CNNM2: variants seen among roughly 807,000 people sequenced by gnomAD.
CNNM2 encodes the protein metal transporter CNNM2.
In CNNM2, 12 loss-of-function variants were observed where a neutral mutation model predicts 66.9. That is an observed-to-expected ratio of 0.18 (90% CI 0.11 to 0.29). CNNM2 has a LOEUF of 0.29. Ranked by LOEUF, CNNM2 falls within the 10% of genes least tolerant of loss-of-function variation. The pLI, the probability that CNNM2 is intolerant of heterozygous loss-of-function variation, is 1.00. For synonymous variants in CNNM2, 557 were observed against 501.8 expected, an observed-to-expected ratio of 1.11 and a Z score of -1.47; for missense variants, 705 against 1,167.7, an observed-to-expected ratio of 0.60 and a Z score of 5.77.
At chr10:102,953,361 G>T (rs1198729045) in intron 1 of CNNM2, among the ~76,000 whole-genome samples, 2 of 151,698 alleles carry the variant, frequency 1.3e-5, no homozygotes, top group Admixed American at 6.6e-5. Flanking sequence ...GGTTCAAGCA[G>T]TTCTCCTGCC....
intron 1 of CNNM2, among the ~76,000 whole-genome samples, chr10:103,024,081 A>G (rs1002840088): frequency 6.6e-6 from 1 of 152,158 alleles, no homozygotes; most frequent in Non-Finnish European, 1.5e-5. Flanking sequence ...ATTGTTCCAC[A>G]AATGTCATTT....
At chr10:103,053,438 G>C (rs1174422747) in intron 2 of CNNM2, among the ~76,000 whole-genome samples, 1 of 152,192 alleles carries the variant, frequency 6.6e-6, no homozygotes, top group African/African-American at 2.4e-5. Context: ...GATCACTTGA[G>C]CCTTGGAGTT....
intron 6 of CNNM2, among the ~76,000 whole-genome samples, chr10:103,075,789 C>T (rs1021148191): frequency 1.3e-5 from 2 of 152,178 alleles, no homozygotes; most frequent in South Asian, 2.1e-4. Flanking sequence ...TCACAGTACC[C>T]GGGAATGTTC....
rs1564876290 is a variant in CNNM2, at chr10:103,081,791, T to A, written c.*4611T>A. 6.6e-6 allele frequency: 1 copy of A among 152,182 alleles called. No homozygotes were observed. The highest frequency in any genetic ancestry group is 1.5e-5 in the Non-Finnish European group (1 of 68,040). The allele number at this position is 152,182 out of a possible 1,614,324, so 9.4% of individuals were successfully genotyped here. On this transcript the variant is annotated 3_prime_UTR_variant, in exon 8 of 8. Coordinates refer to ENST00000369878, the MANE Select transcript of CNNM2 (RefSeq NM_017649.5). ...CTATCTGGAGATTCATATTCTAGAG[T>A]CCCTGGTCAACCCTACGGATGCGAA...
At position 103,033,510 on chromosome 10, in the gene CNNM2, T is replaced by A. The variant is rs1032794037; in HGVS notation, c.1622-16197T>A. ...CGCCTGGACAATCTAAGGTTTTTTT[T>A]AAAAAGCTTCTGGTGAAGAAAAAAC... On this transcript the variant is annotated intron_variant, in intron 1 of 7. Coordinates refer to ENST00000369878, the MANE Select transcript of CNNM2 (RefSeq NM_017649.5). 2.6e-4 allele frequency among the ~76,000 whole-genome samples: 39 copies of A among 151,394 alleles called. No individual in the cohort carries two copies. The highest frequency in any genetic ancestry group is 2.1e-4 in the South Asian group (1 of 4,798).
At chr10:102,985,531 C>T (rs1237036735) in intron 1 of CNNM2, among the ~76,000 whole-genome samples, 1 of 152,126 alleles carries the variant, frequency 6.6e-6, no homozygotes, top group African/African-American at 2.4e-5. Context: ...CCAGCAGACC[C>T]TGTCTCACTT....
chr10:103,014,019 T>C (rs1368084362), intron 1 of CNNM2, among the ~76,000 whole-genome samples: 1 of 152,210 alleles, frequency 6.6e-6, no homozygotes, highest in Non-Finnish European at 1.5e-5. Context: ...CCATTCCAAA[T>C]TGTAAGAAAC....
intron 6 of CNNM2, among the ~76,000 whole-genome samples, chr10:103,073,246 A>T (rs115858419): frequency 4.3e-4 from 66 of 152,368 alleles, no homozygotes; most frequent in African/African-American, 1.6e-3. Flanking sequence ...CTGAGTCTAG[A>T]TGCTTTGGAA....
Position 103,077,530 on chromosome 10 carries a change from C to T in CNNM2, c.*350C>T, listed in dbSNP as rs962680610. The T allele has an allele frequency of 3.8e-6, 1 of 261,920 alleles. No homozygotes were observed. The highest frequency in any genetic ancestry group is 7.4e-6 in the Non-Finnish European group (1 of 135,904). 16.2% of individuals were successfully genotyped at this position (261,920 alleles called of 1,614,324 possible). On this transcript the variant is annotated 3_prime_UTR_variant, in exon 8 of 8. Coordinates refer to ENST00000369878, the MANE Select transcript of CNNM2 (RefSeq NM_017649.5). ...TGAAAATTGTTGCGATTTATTTTTT[C>T]AAGAGATCATGTTTTTAAAGTGTCT... is the stretch of plus-strand genomic sequence containing the variant.
chr10:102,920,191 A>T, intron 1 of CNNM2, 90 bp downstream of exon 1: 1 of 1,609,924 alleles, frequency 6.2e-7, no homozygotes, highest in Non-Finnish European at 8.5e-7. Context: ...CCAACCCCCC[A>T]AGGCGAGTTG....
chr10:103,050,536 C>T (rs75842174), intron 2 of CNNM2, among the ~76,000 whole-genome samples: 5 of 100,144 alleles, frequency 5.0e-5, no homozygotes, highest in Non-Finnish European at 1.1e-4. Context: ...GAGTCCACCT[C>T]AAAAAAAAAA....
At chr10:102,951,206 G>GC (rs1298898233) in intron 1 of CNNM2, among the ~76,000 whole-genome samples, 1 of 149,508 alleles carries the variant, frequency 6.7e-6, no homozygotes, top group African/African-American at 2.5e-5. Flanking sequence ...GCCAGGCTGG[G>GC]TTTTTTTTGA....
rs534914735 is a variant in CNNM2, at chr10:103,024,727, T to A, written c.1622-24980T>A. On this transcript the variant is annotated intron_variant, in intron 1 of 7. Transcript: ENST00000369878. ...TCTCCTGACCTCGTGATCGACCCAC[T>A]TCAGCCTCCCAAATTGCTGGGATTA... Among the ~76,000 whole-genome samples the A allele has an allele frequency of 7.1e-4, 108 of 152,126 alleles. 1 individual carries two copies. Among genetic ancestry groups the A allele is most frequent in the African/African-American group, 2.5e-3 (105 of 41,524 alleles).
At chr10:102,979,116 G>A (rs182241044) in intron 1 of CNNM2, among the ~76,000 whole-genome samples, 20 of 152,272 alleles carry the variant, frequency 1.3e-4, no homozygotes, top group African/African-American at 4.6e-4. Context: ...GCAAATATAT[G>A]TATGTGTTTA....
intron 1 of CNNM2, among the ~76,000 whole-genome samples, chr10:103,030,407 A>G (rs1233310355): frequency 6.6e-6 from 1 of 152,148 alleles, no homozygotes; most frequent in Non-Finnish European, 1.5e-5. Context: ...GGTGATAGGG[A>G]TGGAGACTAT....
chr10:102,927,190 T>G (rs909562617), intron 1 of CNNM2, among the ~76,000 whole-genome samples: 1 of 152,208 alleles, frequency 6.6e-6, no homozygotes, highest in Non-Finnish European at 1.5e-5. Context: ...TATATATGTG[T>G]GTATGTATAT....
At chr10:103,066,685 C>G (rs1438264228) in intron 4 of CNNM2, among the ~76,000 whole-genome samples, 1 of 152,230 alleles carries the variant, frequency 6.6e-6, no homozygotes, top group Non-Finnish European at 1.5e-5. Context: ...TATATAAGAA[C>G]AAGAAGTAAG....
intron 1 of CNNM2, among the ~76,000 whole-genome samples, chr10:102,971,225 G>A (rs1244067419): frequency 6.9e-6 from 1 of 144,248 alleles, no homozygotes; most frequent in African/African-American, 2.6e-5. Flanking sequence ...CAAACACTAT[G>A]GTGACTTAGA....
intron 4 of CNNM2, among the ~76,000 whole-genome samples, chr10:103,058,761 T>G (rs1723975817): frequency 6.6e-6 from 1 of 152,188 alleles, no homozygotes; most frequent in Non-Finnish European, 1.5e-5. Flanking sequence ...ACGGAGATGT[T>G]TGGTGAAAAA....
Sources: gnomAD v4.1 joint callset for allele counts (sites outside exome capture counted in the v4.1 genomes callset) on GRCh38, gnomAD v4.1.1 for gene constraint, MANE v1.5 for transcripts, NCBI Gene and HGNC (gene_info 2026-07-23, HGNC 2026-07-21) for gene names.